Variants in ATG7 observed in about 807,000 individuals in gnomAD.
The protein encoded by ATG7 is autophagy related 7.
A neutral mutation model predicts 82.4 loss-of-function variants in ATG7; 70 were observed. The observed-to-expected ratio is 0.85, with a 90% confidence interval of 0.70 to 1.04. The LOEUF is 1.04. Ranked by LOEUF, ATG7 falls within the 50% of genes least tolerant of loss-of-function variation. The pLI, the probability that ATG7 is intolerant of heterozygous loss-of-function variation, is 0.00. For synonymous variants in ATG7, 287 were observed against 313.0 expected (o/e 0.92, Z 0.88); for missense variants, 792 against 864.3 (o/e 0.92, Z 1.05).
chr3:11,287,376 C>A (rs149012238), intron 3 of ATG7, among the ~76,000 whole-genome samples: 8 of 152,204 alleles, frequency 5.3e-5, no homozygotes, highest in African/African-American at 1.7e-4. Flanking sequence ...GTCACAGAAG[C>A]AAGGTGAGGG....
intron 1 of ATG7, among the ~76,000 whole-genome samples, chr3:11,279,693 G>A (rs1457905562): frequency 4.6e-5 from 7 of 151,852 alleles, no homozygotes; most frequent in South Asian, 2.1e-4. Flanking sequence ...TCAAGACTCC[G>A]TCTCAAAAAA....
chr3:11,360,540 G>T, intron 15 of ATG7, 41 bp from the exon 16 acceptor site: 1 of 1,569,732 alleles, frequency 6.4e-7, no homozygotes. Context: ...TGAAATATAT[G>T]TGTCTTTTAA....
At chr3:11,378,639 C>A (rs2077620449) in intron 18 of ATG7, among the ~76,000 whole-genome samples, 1 of 135,808 alleles carries the variant, frequency 7.4e-6, no homozygotes, top group Admixed American at 8.1e-5. Flanking sequence ...GAGCTGAGAT[C>A]ACACCACTGT....
intron 19 of ATG7, among the ~76,000 whole-genome samples, chr3:11,402,699 G>T (rs1373635785): frequency 6.6e-6 from 1 of 152,320 alleles, no homozygotes; most frequent in East Asian, 1.9e-4. Context: ...TCAACTGTCA[G>T]ATGCTGCTGA....
At chr3:11,376,126 AAGC>A (rs1338074438) in intron 18 of ATG7, among the ~76,000 whole-genome samples, 1 of 152,220 alleles carries the variant, frequency 6.6e-6, no homozygotes, top group Non-Finnish European at 1.5e-5. Flanking sequence ...TATAGTAAAT[AAGC>A]AGAATAGGTA....
chr3:11,524,881 G>C (rs1169310516), intron 20 of ATG7, among the ~76,000 whole-genome samples: 1 of 152,090 alleles, frequency 6.6e-6, no homozygotes, highest in Non-Finnish European at 1.5e-5. Context: ...GAGGTTCTGT[G>C]TCTTACAGAT....
intron 20 of ATG7, among the ~76,000 whole-genome samples, chr3:11,432,737 T>C (rs2083017712): frequency 6.6e-6 from 1 of 152,206 alleles, no homozygotes; most frequent in Non-Finnish European, 1.5e-5. Flanking sequence ...GGAGGTTCAA[T>C]GGAAGAAAGG....
intron 20 of ATG7, among the ~76,000 whole-genome samples, chr3:11,442,642 C>T (rs1316064694): frequency 4.2e-5 from 6 of 143,044 alleles, no homozygotes; most frequent in African/African-American, 1.6e-4. Flanking sequence ...GGATTACATG[C>T]CTGTAATCTC....
At chr3:11,511,055 C>A (rs1202588126) in intron 20 of ATG7, among the ~76,000 whole-genome samples, 1 of 152,194 alleles carries the variant, frequency 6.6e-6, no homozygotes, top group Non-Finnish European at 1.5e-5. Flanking sequence ...GGGAGTGAAG[C>A]TGCAGACCTT....
At chr3:11,496,157 T>C (rs2153055045) in intron 20 of ATG7, among the ~76,000 whole-genome samples, 1 of 152,320 alleles carries the variant, frequency 6.6e-6, no homozygotes, top group South Asian at 2.1e-4. Context: ...GTTATCGCTC[T>C]TTAACTAAAA....
chr3:11,380,088 A>C (rs1488322732), intron 19 of ATG7, 36 bp downstream of exon 19: 1 of 1,598,272 alleles, frequency 6.3e-7, no homozygotes, highest in Non-Finnish European at 8.6e-7. Context: ...TTGTTTTTAA[A>C]AGTGAGCGGG....
chr3:11,386,227 C>T lies in ATG7; in HGVS notation c.1956+6175C>T, dbSNP rs1035084331. Among the ~76,000 whole-genome samples the T allele has an allele frequency of 3.3e-5, 5 of 152,172 alleles. No homozygotes were observed. In the East Asian group the frequency reaches 9.6e-4, roughly 29 times the overall value. ...GAGATAAGTTCTGGCTCTCTATTGA[C>T]ACTTTATTAGCTTTTATATTTTATA... On this transcript the variant is annotated intron_variant, in intron 19 of 20. Coordinates refer to ENST00000693202, the MANE Select transcript of ATG7 (RefSeq NM_001349232.2).
intron 9 of ATG7, among the ~76,000 whole-genome samples, chr3:11,317,913 A>G (rs1472608103): frequency 6.6e-6 from 1 of 152,120 alleles, no homozygotes; most frequent in Non-Finnish European, 1.5e-5. Flanking sequence ...CCTTTCTACC[A>G]TTCCCTTGAC....
intron 20 of ATG7, among the ~76,000 whole-genome samples, chr3:11,447,235 G>A (rs1010269171): frequency 6.6e-6 from 1 of 152,220 alleles, no homozygotes. Context: ...GGAGGCTGAG[G>A]CGGGTGGATC....
intron 20 of ATG7, among the ~76,000 whole-genome samples, chr3:11,499,446 C>A (rs1426035786): frequency 6.6e-6 from 1 of 152,024 alleles, no homozygotes; most frequent in South Asian, 2.1e-4. Context: ...TGTTGCTTTC[C>A]TTGAAAATCT....
intron 20 of ATG7, among the ~76,000 whole-genome samples, chr3:11,479,966 C>T (rs907055783): frequency 3.3e-5 from 5 of 150,428 alleles, no homozygotes; most frequent in African/African-American, 7.3e-5. Context: ...CTCCCTCTGT[C>T]GCCCAGGCTG....
chr3:11,396,308 G>A (rs576176853), intron 19 of ATG7, among the ~76,000 whole-genome samples: 37 of 152,000 alleles, frequency 2.4e-4, no homozygotes, highest in Non-Finnish European at 2.6e-4. Context: ...TTAGCCAGAC[G>A]CATGCCTGTA....
chr3:11,375,501 A>C (rs973667592), intron 18 of ATG7, among the ~76,000 whole-genome samples: 1 of 152,210 alleles, frequency 6.6e-6, no homozygotes. Flanking sequence ...AAGAGACAAC[A>C]ACAGGTGTTG....
chr3:11,538,330 G>T (rs996007239), intron 20 of ATG7, among the ~76,000 whole-genome samples: 4 of 152,124 alleles, frequency 2.6e-5, no homozygotes, highest in African/African-American at 9.7e-5. Context: ...AGCTCTCTTG[G>T]CAAAACACCC....
Sources: gnomAD v4.1 joint callset for allele counts (sites outside exome capture counted in the v4.1 genomes callset) on GRCh38, gnomAD v4.1.1 for gene constraint, MANE v1.5 for transcripts, NCBI Gene and HGNC (gene_info 2026-07-23, HGNC 2026-07-21) for gene names.